Variants in DUSP29 observed in about 807,000 individuals in gnomAD.
The protein encoded by DUSP29 is atypical dual-specific protein phosphatase.
A neutral mutation model predicts 13.5 loss-of-function variants in DUSP29; 12 were observed. That is an observed-to-expected ratio of 0.89 (90% CI 0.57 to 1.44). The LOEUF is 1.44. Ranked by LOEUF, DUSP29 falls within the 40% of genes most tolerant of loss-of-function variation. DUSP29 has a pLI of 0.00. For synonymous variants in DUSP29, 134 were observed against 128.7 expected (o/e 1.04, Z -0.28); for missense variants, 308 against 301.1 (o/e 1.02, Z -0.17).
chr10:75,061,047 C>T lies in DUSP29; in HGVS notation c.-34-2499G>A, dbSNP rs186864569. 3.5e-3 allele frequency among the ~76,000 whole-genome samples: 536 copies of T among 152,124 alleles called. 1 individual carries two copies. The highest frequency in any genetic ancestry group is 0.012 in the African/African-American group (515 of 41,530). On this transcript the variant is annotated intron_variant, in intron 1 of 3. Transcript: ENST00000338487. ...TGGTTATAAGGTAGTTGTTGTTTCTCTTTTTTCCTTTTTTAAAATAGAGAT... is the reference window on the plus strand; with the variant it reads ...TGGTTATAAGGTAGTTGTTGTTTCTTTTTTTTCCTTTTTTAAAATAGAGAT...
chr10:75,063,017 G>A (rs576330878), intron 1 of DUSP29, among the ~76,000 whole-genome samples: 17 of 152,286 alleles, frequency 1.1e-4, no homozygotes, highest in African/African-American at 2.9e-4. Context: ...GCTCCTTCAG[G>A]GAGGGGCCAG....
chr10:75,058,313 A>T lies in DUSP29; in HGVS notation c.200+2T>A. 6.2e-7 allele frequency: 1 copy of T among 1,609,468 alleles called. No homozygotes were observed. ...CAAGCGAGCCTGGGCCTGGGCACTT[A>T]CTCATCGCCAATGTAGAGCTTGGGC... On this transcript the variant is annotated splice_donor_variant, in intron 2 of 3. Transcript: ENST00000338487. LOFTEE classifies it high-confidence loss of function.
intron 3 of DUSP29, among the ~76,000 whole-genome samples, chr10:75,039,726 A>T (rs957150400): frequency 1.3e-5 from 2 of 152,132 alleles, no homozygotes; most frequent in African/African-American, 4.8e-5. Flanking sequence ...CCCATGCACT[A>T]TCTGGGAACC....
At chr10:75,057,473 G>T (rs1846986547) in intron 2 of DUSP29, among the ~76,000 whole-genome samples, 1 of 152,026 alleles carries the variant, frequency 6.6e-6, no homozygotes, top group Non-Finnish European at 1.5e-5. Flanking sequence ...TGAGCTGTGG[G>T]ACTTGGGCCA....
intron 1 of DUSP29, among the ~76,000 whole-genome samples, chr10:75,061,062 A>G (rs1257190851): frequency 1.3e-5 from 2 of 151,894 alleles, no homozygotes; most frequent in Non-Finnish European, 2.9e-5. Context: ...TTCCTTTTTT[A>G]AAATAGAGAT....
chr10:75,037,816 G>A lies in DUSP29; in HGVS notation c.*20C>T. ...CTCCCCTCTGTCCCCAAGTGCCTCT[G>A]CTGGCCCTGTGAGTCGGGCCTACAG... is the stretch of plus-strand genomic sequence containing the variant. On this transcript the variant is annotated 3_prime_UTR_variant, in exon 4 of 4. Transcript: ENST00000338487. The A allele has an allele frequency of 6.3e-7, 1 of 1,590,774 alleles. No individual in the cohort carries two copies. The highest frequency in any genetic ancestry group is 8.6e-7 in the Non-Finnish European group (1 of 1,168,884).
intron 1 of DUSP29, among the ~76,000 whole-genome samples, chr10:75,063,320 C>G (rs1356814985): frequency 6.6e-6 from 1 of 152,156 alleles, no homozygotes; most frequent in Non-Finnish European, 1.5e-5. Flanking sequence ...GCATCTACTA[C>G]AGGTGCCTAC....
intron 1 of DUSP29, among the ~76,000 whole-genome samples, chr10:75,065,490 G>A (rs372150947): frequency 2.0e-5 from 3 of 151,566 alleles, no homozygotes; most frequent in East Asian, 1.9e-4. Context: ...CACCCCACCC[G>A]GCTAAATTTT....
At chr10:75,042,993 C>T (rs117860803) in intron 3 of DUSP29, among the ~76,000 whole-genome samples, 2 of 152,226 alleles carry the variant, frequency 1.3e-5, no homozygotes, top group African/African-American at 4.8e-5. Context: ...TAAGCTGTGC[C>T]CTTCTCTCCA....
intron 3 of DUSP29, among the ~76,000 whole-genome samples, chr10:75,042,086 G>A (rs938597166): frequency 2.6e-5 from 4 of 152,182 alleles, no homozygotes; most frequent in Non-Finnish European, 5.9e-5. Flanking sequence ...GTATGACCAC[G>A]CTTTATCAAA....
chr10:75,044,656 C>T (rs1846665642), intron 2 of DUSP29, among the ~76,000 whole-genome samples: 1 of 152,192 alleles, frequency 6.6e-6, no homozygotes, highest in African/African-American at 2.4e-5. Flanking sequence ...TTGAAGCCAG[C>T]AGTGAAGTTA....
chr10:75,056,074 G>GT (rs1215529956), intron 2 of DUSP29, among the ~76,000 whole-genome samples: 1 of 151,926 alleles, frequency 6.6e-6, no homozygotes, highest in Non-Finnish European at 1.5e-5. Flanking sequence ...GGTGCTTTTT[G>GT]TTTTTTGTGT....
chr10:75,051,329 G>C (rs1165876969), intron 2 of DUSP29, among the ~76,000 whole-genome samples: 1 of 152,186 alleles, frequency 6.6e-6, no homozygotes, highest in Admixed American at 6.5e-5. Flanking sequence ...TGAATGTACT[G>C]GGCACCGTGA....
At chr10:75,070,107 A>C in intron 1 of DUSP29, among the ~76,000 whole-genome samples, 1 of 141,192 alleles carries the variant, frequency 7.1e-6, no homozygotes. Context: ...GGAAGGAAGG[A>C]AGGAAGGAAG....
intron 1 of DUSP29, among the ~76,000 whole-genome samples, chr10:75,071,151 G>A (rs1847320519): frequency 6.6e-6 from 1 of 152,242 alleles, no homozygotes; most frequent in African/African-American, 2.4e-5. Context: ...CCCTGTTTAG[G>A]CTGCATGACC....
In DUSP29 at chr10:75,073,000, C is replaced by G. The variant is rs546833482; in HGVS notation, c.-35+569G>C. 2.6e-5 allele frequency among the ~76,000 whole-genome samples: 4 copies of G among 152,052 alleles called. No individual in the cohort carries two copies. The East Asian group carries it at 7.7e-4, about 29-fold the overall frequency. On this transcript the variant is annotated intron_variant, in intron 1 of 3. Transcript: ENST00000338487. ...ATCCTTCATGACCCAGTCCCACCCC[C>G]CATCTCTACCACGGCAGCGTCATCC...
At chr10:75,071,722 C>T (rs980114327) in intron 1 of DUSP29, among the ~76,000 whole-genome samples, 3 of 152,170 alleles carry the variant, frequency 2.0e-5, no homozygotes, top group Admixed American at 6.5e-5. Flanking sequence ...GGTCCCTGGC[C>T]AGGGCTCCAC....
At chr10:75,065,323 A>G (rs1370910211) in intron 1 of DUSP29, among the ~76,000 whole-genome samples, 1 of 152,128 alleles carries the variant, frequency 6.6e-6, no homozygotes, top group Non-Finnish European at 1.5e-5. Context: ...CTAGGGAGCA[A>G]TGCCTAGGAA....
At chr10:75,043,714 A>G (rs1359436006) in intron 3 of DUSP29, 83 bp downstream of exon 3, 30 of 1,093,902 alleles carry the variant, frequency 2.7e-5, no homozygotes, top group Middle Eastern at 3.0e-4. Flanking sequence ...GGGGCGGGGA[A>G]GGGGCGGGGC....
Sources: allele counts gnomAD v4.1 joint callset (sites outside exome capture counted in the v4.1 genomes callset), GRCh38; gene constraint gnomAD v4.1.1; transcripts MANE v1.5; gene names NCBI Gene and HGNC (gene_info 2026-07-23, HGNC 2026-07-21).